The following DOCK2 variants were observed in gnomAD, a reference collection of about 807,000 sequenced individuals.
DOCK2 encodes the protein dedicator of cytokinesis 2.
Under a neutral mutation model 248.9 loss-of-function variants are expected in DOCK2, and 87 were observed. That is an observed-to-expected ratio of 0.35 (90% CI 0.29 to 0.42). The LOEUF (loss-of-function observed/expected upper bound fraction) is 0.42. DOCK2 is among the 10% of genes least tolerant of loss of function. The probability of loss-of-function intolerance (pLI) is 1.00; values close to 1 mark genes in which losing one functional copy is unlikely to be tolerated. For synonymous variants in DOCK2, 805 were observed against 821.6 expected (o/e 0.98, Z 0.35); for missense variants, 1,747 against 2,300.2 (o/e 0.76, Z 4.92).
chr5:169,904,861 G>A (rs1329979965), intron 27 of DOCK2, among the ~76,000 whole-genome samples: 2 of 152,130 alleles, frequency 1.3e-5, no homozygotes, highest in African/African-American at 2.4e-5. Flanking sequence ...GAAGACTATG[G>A]CACCTTCACT....
At chr5:170,048,674 A>G (rs1299129617) in intron 40 of DOCK2, among the ~76,000 whole-genome samples, 2 of 152,176 alleles carry the variant, frequency 1.3e-5, no homozygotes, top group African/African-American at 4.8e-5. Context: ...AAGGATAAAT[A>G]ACAGCTTTCA....
chr5:169,865,877 G>T (rs960947588), intron 27 of DOCK2, among the ~76,000 whole-genome samples: 5 of 152,242 alleles, frequency 3.3e-5, no homozygotes, highest in African/African-American at 1.2e-4. Context: ...ATCTGCCCTT[G>T]CTTACTCTCC....
At chr5:169,930,720 A>G (rs1775711642) in intron 27 of DOCK2, among the ~76,000 whole-genome samples, 1 of 152,232 alleles carries the variant, frequency 6.6e-6, no homozygotes, top group African/African-American at 2.4e-5. Flanking sequence ...CTCTCACTGC[A>G]GTCTACATCT....
chr5:169,639,770 G>A (rs1208346085), intron 1 of DOCK2, among the ~76,000 whole-genome samples: 2 of 152,214 alleles, frequency 1.3e-5, no homozygotes, highest in African/African-American at 4.8e-5. Context: ...AGTCTGTAAT[G>A]TAGGCAGCCA....
intron 23 of DOCK2, among the ~76,000 whole-genome samples, chr5:169,759,380 G>A (rs1449021751): frequency 2.6e-5 from 4 of 152,206 alleles, no homozygotes; most frequent in African/African-American, 9.7e-5. Flanking sequence ...ATAAGTAAAT[G>A]TCTGAGAGGT....
intron 27 of DOCK2, among the ~76,000 whole-genome samples, chr5:169,944,638 C>T (rs576953621): frequency 6.6e-6 from 1 of 152,338 alleles, no homozygotes; most frequent in South Asian, 2.1e-4. Context: ...GAAATGGGGA[C>T]AATCCCCACT....
chr5:170,008,644 T>A (rs761466654), intron 31 of DOCK2, 44 bp from the exon 32 acceptor site: 1 of 1,614,020 alleles, frequency 6.2e-7, no homozygotes, highest in East Asian at 2.2e-5. Flanking sequence ...GTCCATGAGA[T>A]CCTCTGAGAT....
intron 23 of DOCK2, among the ~76,000 whole-genome samples, chr5:169,754,122 G>GGAGA (rs371977373): frequency 1.3e-5 from 2 of 151,988 alleles, no homozygotes; most frequent in Non-Finnish European, 2.9e-5. Flanking sequence ...GAGAAAGGGA[G>GGAGA]GAGAGAGAGA....
intron 29 of DOCK2, 78 bp downstream of exon 29, chr5:169,986,000 G>T: frequency 7.7e-7 from 1 of 1,296,190 alleles, no homozygotes; most frequent in Non-Finnish European, 1.1e-6. Context: ...GTTAAATTAG[G>T]GACAATTTCT....
At chr5:170,030,532 A>G (rs1318759849) in intron 34 of DOCK2, among the ~76,000 whole-genome samples, 1 of 152,218 alleles carries the variant, frequency 6.6e-6, no homozygotes, top group Non-Finnish European at 1.5e-5. Context: ...GACGAGAAGT[A>G]GTTTGGATTT....
At chr5:169,661,634 T>G (rs1758450728) in intron 2 of DOCK2, among the ~76,000 whole-genome samples, 1 of 152,116 alleles carries the variant, frequency 6.6e-6, no homozygotes, top group South Asian at 2.1e-4. Context: ...TCCCCTACCC[T>G]CCCTGGTAAC....
At chr5:169,914,804 C>T (rs529284419) in intron 27 of DOCK2, among the ~76,000 whole-genome samples, 2 of 152,358 alleles carry the variant, frequency 1.3e-5, no homozygotes, top group East Asian at 1.9e-4. Context: ...CAGCTACACT[C>T]ATGTACATGA....
intron 26 of DOCK2, among the ~76,000 whole-genome samples, chr5:169,812,804 T>C (rs1260478206): frequency 6.6e-6 from 1 of 152,230 alleles, no homozygotes; most frequent in Non-Finnish European, 1.5e-5. Context: ...TTAAGGACAG[T>C]ACAGGGTAAA....
intron 1 of DOCK2, among the ~76,000 whole-genome samples, chr5:169,650,031 T>A (rs953407464): frequency 6.6e-6 from 1 of 152,202 alleles, no homozygotes; most frequent in African/African-American, 2.4e-5. Flanking sequence ...CTCAAACTCC[T>A]GACCTCAAGT....
intron 26 of DOCK2, among the ~76,000 whole-genome samples, chr5:169,807,833 C>CCAAAAAAAAAAA (rs1767483380): frequency 4.1e-5 from 1 of 24,218 alleles, no homozygotes; most frequent in African/African-American, 9.0e-5. Flanking sequence ...GACTCTGTCT[C>CCAAAAAAAAAAA]AAAAAAAAAA....
chr5:169,998,826 G>A (rs371450871), intron 30 of DOCK2, among the ~76,000 whole-genome samples: 84 of 152,242 alleles, frequency 5.5e-4, no homozygotes, highest in African/African-American at 1.9e-3. Flanking sequence ...TCTTCGACAC[G>A]GGAACAAAGC....
At position 169,763,757 on chromosome 5, in the gene DOCK2, C is replaced by G. The variant is rs1020501945; in HGVS notation, c.2554+2132C>G. On this transcript the variant is annotated intron_variant, in intron 25 of 51. Transcript: ENST00000520908. The surrounding 1 kb of genome is among the most constrained non-coding windows in gnomAD (Gnocchi z 4.1). Reference sequence around the variant, plus strand: ...CACAGTTAAAAAAGAAAGCAAAATTCTTACCTTTAAATACATACAGAGACT... The same window carrying G: ...CACAGTTAAAAAAGAAAGCAAAATTGTTACCTTTAAATACATACAGAGACT... Among the ~76,000 whole-genome samples the G allele has an allele frequency of 6.6e-5, 10 of 152,238 alleles. No homozygotes were observed. The highest frequency in any genetic ancestry group is 6.5e-4 in the Admixed American group (10 of 15,288).
chr5:169,685,435 T>G (rs2113374741), intron 8 of DOCK2, among the ~76,000 whole-genome samples: 1 of 152,262 alleles, frequency 6.6e-6, no homozygotes, highest in South Asian at 2.1e-4. Context: ...CCACTGCCTG[T>G]CTCCTCCATT....
chr5:169,706,081 G>A (rs771003162), intron 14 of DOCK2, among the ~76,000 whole-genome samples: 1 of 152,220 alleles, frequency 6.6e-6, no homozygotes, highest in Non-Finnish European at 1.5e-5. Flanking sequence ...TCCCAACACT[G>A]TTATTTCTCT....
Sources: gnomAD v4.1 joint callset for allele counts (sites outside exome capture counted in the v4.1 genomes callset) on GRCh38, gnomAD v4.1.1 for gene constraint, Gnocchi (gnomAD v3.1) non-coding constraint, MANE v1.5 for transcripts, NCBI Gene and HGNC (gene_info 2026-07-23, HGNC 2026-07-21) for gene names.